RTL1: variants seen among roughly 807,000 people sequenced by gnomAD.
The protein encoded by RTL1 is retrotransposon-like protein 1.
For missense variants in RTL1, 1,681 were observed against 1,767.5 expected, an observed-to-expected ratio of 0.95 and a Z score of 0.88; for synonymous variants, 727 against 748.4, an observed-to-expected ratio of 0.97 and a Z score of 0.47.
At chr14:100,899,313 C>T (rs1034573390) in intron 2 of RTL1, among the ~76,000 whole-genome samples, 3 of 152,186 alleles carry the variant, frequency 2.0e-5, no homozygotes, top group African/African-American at 7.2e-5. Flanking sequence ...GGCTGATTGC[C>T]ATTATGGCTC....
intron 2 of RTL1, among the ~76,000 whole-genome samples, chr14:100,898,711 G>T (rs544493801): frequency 6.6e-6 from 1 of 152,208 alleles, no homozygotes; most frequent in Non-Finnish European, 1.5e-5. Context: ...GGCTTTGCGC[G>T]GCCGTGCCTT....
At chr14:100,897,748 T>TGGTGGGGGGGGGGGGGGGGGGGGGG (rs1566760796) in intron 2 of RTL1, 1 of 79,342 alleles carries the variant, frequency 1.3e-5, no homozygotes, top group African/African-American at 3.8e-4. Context: ...TTACCCTGGT[T>TGGTGGGGGGGGGGGGGGGGGGGGGG]GGCGGGGGGG....
rs929440481 is a variant in RTL1 at position 100,893,167 on chromosome 14, C to G, written c.-87+277G>C. 3.9e-5 allele frequency among the ~76,000 whole-genome samples: 6 copies of G among 152,198 alleles called. No individual in the cohort carries two copies. The highest frequency in any genetic ancestry group is 1.4e-4 in the African/African-American group (6 of 41,446). On this transcript the variant is annotated intron_variant, in intron 3 of 3. Transcript: ENST00000649591. This position sits in a 1 kb window ranked among gnomAD's most constrained non-coding sequence, Gnocchi z 4.2. ...GTCTCAGTGTCTGCCTCCATCTCCC[C>G]CAAAGGTGCTTGCTGTCATTCCCAA...
chr14:100,883,880 C>G lies in RTL1; in HGVS notation c.909G>C (p.Glu303Asp), dbSNP rs1238987030. ...CCAGGCTCTGGAACTCATCGATGTA[C>G]TCAGTGGCAGAGCGGCCGCCCTGCC... ...TIRQGGRSATEYIDEFQSLVP... is the reference protein window; with the variant it reads ...TIRQGGRSATDYIDEFQSLVP... The change falls in exon 4 of 4, where the codon GAG (glutamate) becomes GAC (aspartate). Residue 303 changes from glutamate to aspartate, a missense_variant. Glu to Asp is a conservative substitution (Grantham distance 45). Coordinates refer to ENST00000649591, the MANE Select transcript of RTL1 (RefSeq NM_001134888.3). The surrounding 1 kb of genome is among the most constrained non-coding windows in gnomAD (Gnocchi z 5.9). The G allele has an allele frequency of 6.4e-7, 1 of 1,551,494 alleles. No individual in the cohort carries two copies. Among genetic ancestry groups the G allele is most frequent in the Non-Finnish European group, 8.7e-7 (1 of 1,147,016 alleles).
rs2038628910 is a variant in RTL1 at position 100,882,344 on chromosome 14, G to T, written c.2445C>A (p.Phe815Leu). Reference protein sequence around the residue: ...SKLSLRNFIEFVFPYRHFVER... With the variant: ...SKLSLRNFIELVFPYRHFVER... Reference sequence around the variant, plus strand: ...CCACGAAGTGGCGGTAGGGGAAGACGAATTCGATGAAGTTTCGCAGAGATA... The same window carrying T: ...CCACGAAGTGGCGGTAGGGGAAGACTAATTCGATGAAGTTTCGCAGAGATA... The change falls in exon 4 of 4, where the codon TTC (phenylalanine) becomes TTA (leucine). Residue 815 changes from phenylalanine to leucine, a missense_variant. Transcript: ENST00000649591. 6.4e-7 allele frequency: 1 copy of T among 1,551,560 alleles called. No homozygotes were observed. The highest frequency in any genetic ancestry group is 1.2e-5 in the South Asian group (1 of 84,060).
intron 2 of RTL1, chr14:100,894,931 A>T (rs1382639064): frequency 1.3e-5 from 2 of 152,074 alleles, no homozygotes; most frequent in Non-Finnish European, 2.9e-5. Context: ...ACAGGGCATG[A>T]CCCAGCCCTG....
rs1461308709 is a variant in RTL1, at chr14:100,883,853, T to C, written c.936A>G (p.Val312=). 3.2e-6 allele frequency: 5 copies of C among 1,551,476 alleles called. No homozygotes were observed. Among genetic ancestry groups the C allele is most frequent in the Non-Finnish European group, 4.4e-6 (5 of 1,146,994 alleles). Residue 312 remains valine (V), a synonymous_variant, in exon 4 of 4, where the codon GTA becomes GTG. Coordinates refer to ENST00000649591, the MANE Select transcript of RTL1 (RefSeq NM_001134888.3). The surrounding 1 kb of genome is among the most constrained non-coding windows in gnomAD (Gnocchi z 5.9). The part of the protein sequence containing the change: ...TEYIDEFQSL[V]PILGWPDEVL... ...CTTCATCTGGCCAGCCCAAGATGGGTACCAGGCTCTGGAACTCATCGATGT... is the reference window on the plus strand; with the variant it reads ...CTTCATCTGGCCAGCCCAAGATGGGCACCAGGCTCTGGAACTCATCGATGT...
Position 100,881,324 on chromosome 14 carries a change from T to G in RTL1, c.3465A>C (p.Ala1155=). Residue 1155 remains alanine (A), a synonymous_variant, in exon 4 of 4, where the codon GCA becomes GCC. Transcript: ENST00000649591. This position sits in a 1 kb window ranked among gnomAD's most constrained non-coding sequence, Gnocchi z 6.6. ...CCAGCTCCTGGGCTGGGATGGTGTT[T>G]GCACCTACGAGAGCGGGCATCTGGG... ...LLTQMPALVG[A]NTIPAQELAE... The G allele has an allele frequency of 2.6e-6, 4 of 1,550,584 alleles. No individual in the cohort carries two copies. Among genetic ancestry groups the G allele is most frequent in the Non-Finnish European group, 3.5e-6 (4 of 1,146,976 alleles).
chr14:100,898,053 G>T (rs987621793), intron 2 of RTL1: 3 of 472,532 alleles, frequency 6.3e-6, no homozygotes, highest in African/African-American at 5.9e-5. Flanking sequence ...AATATTCCAC[G>T]GTATGTATGC....
chr14:100,890,838 C>T (rs2038766070), intron 3 of RTL1, among the ~76,000 whole-genome samples: 1 of 152,138 alleles, frequency 6.6e-6, no homozygotes, highest in Admixed American at 6.5e-5. Flanking sequence ...CTGTGGCCTC[C>T]TGTGGATGGA....
intron 2 of RTL1, among the ~76,000 whole-genome samples, chr14:100,899,618 G>T (rs1342991527): frequency 6.6e-6 from 1 of 151,396 alleles, no homozygotes; most frequent in Non-Finnish European, 1.5e-5. Context: ...CAGGAAGCCA[G>T]CCACCCTGAG....
chr14:100,881,740 G>A lies in RTL1; in HGVS notation c.3049C>T (p.Leu1017=). ...TCCCTGGGGAATCCCCTTGAGGCCA[G>A]CAGCAGGGTTTGCCTGGCGGCAGTG... ...RNTAARQTLL[L]ASRGFPRDPS... Residue 1017 remains leucine (L), a synonymous_variant, in exon 4 of 4, where the codon CTG becomes TTG. Transcript: ENST00000649591. The surrounding 1 kb of genome is among the most constrained non-coding windows in gnomAD (Gnocchi z 6.6). 1.2e-6 allele frequency: 2 copies of A among 1,608,694 alleles called. No individual in the cohort carries two copies. Among genetic ancestry groups the A allele is most frequent in the Admixed American group, 1.7e-5 (1 of 58,716 alleles).
chr14:100,884,437 A>G lies in RTL1; in HGVS notation c.352T>C (p.Ser118Pro), dbSNP rs751871454. Residue 118 changes from serine to proline, a missense_variant, in exon 4 of 4, where the codon TCT becomes CCT. Physicochemically the swap from Ser to Pro is moderately conservative, Grantham distance 74 (BLOSUM62 -1). Transcript: ENST00000649591. ...ACTGATGCTTCTTTCATCCTATCAG[A>G]TGCTCCACTGAGTGGATCCCCCCTT... ...QARGDPLSGA[S>P]DRMKEASVNP... is the part of the protein sequence containing the mutation. The G allele has an allele frequency of 2.5e-6, 4 of 1,613,780 alleles. No homozygotes were observed. The highest frequency in any genetic ancestry group is 1.7e-6 in the Non-Finnish European group (2 of 1,179,926).
intron 3 of RTL1, among the ~76,000 whole-genome samples, chr14:100,891,779 G>T (rs908920740): frequency 6.6e-6 from 1 of 152,178 alleles, no homozygotes. Context: ...GGTCTGCACC[G>T]GCCTCCTAGC....
intron 3 of RTL1, among the ~76,000 whole-genome samples, chr14:100,889,017 G>A (rs866779556): frequency 2.0e-5 from 3 of 152,056 alleles, no homozygotes; most frequent in Non-Finnish European, 2.9e-5. Context: ...GCCGTTACCC[G>A]TAAAATATAT....
rs942909596 is a variant in RTL1, at chr14:100,893,411, A to T, written c.-87+33T>A. ...TGCCTGCCCACCCGATCCCTGGGGG[A>T]GGTCGACATGGGACCTCTGCCCCAC... is the stretch of plus-strand genomic sequence containing the variant. On this transcript the variant is annotated intron_variant, in intron 3 of 3. Transcript: ENST00000649591. The surrounding 1 kb of genome is among the most constrained non-coding windows in gnomAD (Gnocchi z 4.2). Among the ~76,000 whole-genome samples, 8 of 151,894 alleles carry T rather than the reference A, an allele frequency of 5.3e-5. No individual in the cohort carries two copies. The highest frequency in any genetic ancestry group is 1.5e-4 in the African/African-American group (6 of 41,350).
chr14:100,887,410 C>T (rs575248609), intron 3 of RTL1, among the ~76,000 whole-genome samples: 6 of 152,236 alleles, frequency 3.9e-5, no homozygotes, highest in African/African-American at 1.4e-4. Flanking sequence ...TATAAAATTT[C>T]TCTGACTACT....
rs1266786745 is a variant in RTL1, at chr14:100,882,552, A to C, written c.2237T>G (p.Leu746Arg). The C allele has an allele frequency of 1.9e-6, 3 of 1,551,642 alleles. No homozygotes were observed. The highest frequency in any genetic ancestry group is 2.6e-6 in the Non-Finnish European group (3 of 1,147,036). Residue 746 changes from leucine to arginine, a missense_variant, in exon 4 of 4, where the codon CTC (leucine) becomes CGC (arginine). Transcript: ENST00000649591. ...LIYSMSQEEH[L>R]HHVRQVLVRF... ...GACCAGGACTTGGCGGACGTGGTGG[A>C]GGTGCTCCTCCTGACTCATTGAGTA...
rs1276152480 is a variant in RTL1, at chr14:100,883,826, G to A, written c.963C>T (p.Val321=). 1 of 1,551,654 alleles carries A rather than the reference G, an allele frequency of 6.4e-7. No individual in the cohort carries two copies. Among genetic ancestry groups the A allele is most frequent in the Admixed American group, 2.0e-5 (1 of 51,014 alleles). ...GCCCCTGGCACAAGTGGGCCTGCAG[G>A]ACTTCATCTGGCCAGCCCAAGATGG... The part of the protein sequence containing the change: ...LVPILGWPDE[V]LQAHLCQGLN... Residue 321 remains valine, a synonymous_variant, in exon 4 of 4, where the codon GTC becomes GTT. Transcript: ENST00000649591. The surrounding 1 kb of genome is among the most constrained non-coding windows in gnomAD (Gnocchi z 5.9).
Sources: gnomAD v4.1 joint callset for allele counts (sites outside exome capture counted in the v4.1 genomes callset) on GRCh38, gnomAD v4.1.1 for gene constraint, Gnocchi (gnomAD v3.1) non-coding constraint, MANE v1.5 for transcripts, NCBI Gene and HGNC (gene_info 2026-07-23, HGNC 2026-07-21) for gene names.